EYS: variants seen among roughly 807,000 people sequenced by gnomAD.
The protein encoded by EYS is protein eyes shut homolog.
Under a neutral mutation model 282.1 loss-of-function variants are expected in EYS, and 250 were observed. The observed-to-expected ratio is 0.89, with a 90% CI of 0.80 to 0.98. The LOEUF is 0.98. Ranked by LOEUF, EYS falls within the 50% of genes least tolerant of loss-of-function variation. The pLI, the probability that EYS is intolerant of heterozygous loss-of-function variation, is 0.00. For missense variants in EYS, 4,016 were observed against 3,709.0 expected (o/e 1.08, Z -2.15); for synonymous variants, 1,355 against 1,282.9 (o/e 1.06, Z -1.20).
At chr6:65,404,637 C>T (rs1050429236) in intron 6 of EYS, among the ~76,000 whole-genome samples, 2 of 151,480 alleles carry the variant, frequency 1.3e-5, no homozygotes, top group African/African-American at 4.8e-5. Flanking sequence ...ATATTATGTT[C>T]TATATAATAT....
intron 13 of EYS, among the ~76,000 whole-genome samples, chr6:65,039,630 C>T (rs78430754): frequency 0.13 from 19,903 of 151,204 alleles, 1,448 homozygotes; most frequent in East Asian, 0.24. Context: ...AATTTCTCTT[C>T]GCAATGTTTT....
At chr6:64,572,104 T>A (rs1765744903) in intron 26 of EYS, among the ~76,000 whole-genome samples, 1 of 152,178 alleles carries the variant, frequency 6.6e-6, no homozygotes, top group Non-Finnish European at 1.5e-5. Context: ...ATCCCTGGGA[T>A]GCAAGGCTGG....
intron 36 of EYS, among the ~76,000 whole-genome samples, chr6:63,859,338 T>A (rs1223095122): frequency 6.6e-6 from 1 of 151,990 alleles, no homozygotes; most frequent in Non-Finnish European, 1.5e-5. Context: ...AGAGACCAAG[T>A]GACTTGCCCA....
intron 29 of EYS, among the ~76,000 whole-genome samples, chr6:64,343,082 C>G (rs1771196667): frequency 6.6e-6 from 1 of 152,076 alleles, no homozygotes; most frequent in African/African-American, 2.4e-5. Flanking sequence ...TACAAAGAGA[C>G]TTAGACTCCC....
chr6:64,089,065 T>A, intron 31 of EYS, among the ~76,000 whole-genome samples: 1 of 151,984 alleles, frequency 6.6e-6, no homozygotes, highest in East Asian at 1.9e-4. Flanking sequence ...CTACTGATGT[T>A]TTTGTTGAGT....
intron 30 of EYS, among the ~76,000 whole-genome samples, chr6:64,279,097 C>T (rs1768214999): frequency 6.6e-6 from 1 of 152,156 alleles, no homozygotes; most frequent in African/African-American, 2.4e-5. Context: ...TTCCTGTTAA[C>T]TTACACATAA....
In EYS at chr6:65,118,506, G is replaced by A. The variant is rs181169430; in HGVS notation, c.2024-60779C>T. On this transcript the variant is annotated intron_variant, in intron 12 of 42. Coordinates refer to ENST00000503581, the MANE Select transcript of EYS (RefSeq NM_001142800.2). ...TATACTGGCTGTTTTGACCTCTGGAGGAAGGCTGAGCCCTTTGGCATCACA... is the reference window on the plus strand; with the variant it reads ...TATACTGGCTGTTTTGACCTCTGGAAGAAGGCTGAGCCCTTTGGCATCACA... Among the ~76,000 whole-genome samples, 9 of 152,316 alleles carry A rather than the reference G, an allele frequency of 5.9e-5. 1 individual carries two copies. Among genetic ancestry groups the A allele is most frequent in the Admixed American group, 5.9e-4 (9 of 15,306 alleles).
At chr6:64,899,988 A>T (rs1767602441) in intron 18 of EYS, among the ~76,000 whole-genome samples, 1 of 152,200 alleles carries the variant, frequency 6.6e-6, no homozygotes, top group Admixed American at 6.6e-5. Context: ...CTATACTATA[A>T]GGATACAGTA....
intron 8 of EYS, among the ~76,000 whole-genome samples, chr6:65,363,441 T>A (rs1764791988): frequency 1.3e-5 from 2 of 151,958 alleles, no homozygotes; most frequent in Admixed American, 1.3e-4. Flanking sequence ...TTTGTTACAG[T>A]TATATTTAAT....
intron 28 of EYS, among the ~76,000 whole-genome samples, chr6:64,394,326 C>G (rs1236978213): frequency 2.0e-5 from 3 of 152,038 alleles, no homozygotes; most frequent in Non-Finnish European, 4.4e-5. Context: ...ATCGCCAAGT[C>G]AATCCTAAGC....
intron 12 of EYS, among the ~76,000 whole-genome samples, chr6:65,243,150 T>G (rs1767096191): frequency 6.6e-6 from 1 of 152,212 alleles, no homozygotes; most frequent in Admixed American, 6.5e-5. Context: ...GTGCATTCAT[T>G]TATTCATTCA....
At chr6:64,614,805 A>G (rs1767220192) in intron 24 of EYS, among the ~76,000 whole-genome samples, 1 of 152,114 alleles carries the variant, frequency 6.6e-6, no homozygotes, top group African/African-American at 2.4e-5. Flanking sequence ...TGCTAAAAGT[A>G]AAAAGCAGAA....
At chr6:64,761,297 A>C (rs571010004) in intron 22 of EYS, among the ~76,000 whole-genome samples, 13 of 152,250 alleles carry the variant, frequency 8.5e-5, no homozygotes, top group Admixed American at 2.6e-4. Context: ...CTTAGAATTT[A>C]CTTATAACTT....
At chr6:64,406,217 T>A (rs1773701951) in intron 28 of EYS, among the ~76,000 whole-genome samples, 3 of 152,158 alleles carry the variant, frequency 2.0e-5, no homozygotes, top group Admixed American at 2.0e-4. Context: ...AAGGAAATGA[T>A]TCCCTATTTA....
chr6:65,013,525 T>A (rs1466377993), intron 13 of EYS, among the ~76,000 whole-genome samples: 1 of 152,086 alleles, frequency 6.6e-6, no homozygotes, highest in African/African-American at 2.4e-5. Context: ...AGAATTCCAA[T>A]ATGGTTTCCA....
At chr6:64,838,565 T>C (rs1204305637) in intron 19 of EYS, among the ~76,000 whole-genome samples, 1 of 151,662 alleles carries the variant, frequency 6.6e-6, no homozygotes, top group East Asian at 1.9e-4. Flanking sequence ...GACTAAATGA[T>C]ATGTAACAAT....
intron 22 of EYS, among the ~76,000 whole-genome samples, chr6:64,719,001 A>T (rs1771486320): frequency 6.6e-6 from 1 of 152,204 alleles, no homozygotes. Context: ...GAACCCTTAA[A>T]GGCAGACGAT....
At chr6:65,006,523 A>AAAAAG (rs1771668500) in intron 13 of EYS, among the ~76,000 whole-genome samples, 1 of 134,460 alleles carries the variant, frequency 7.4e-6, no homozygotes. Context: ...AAAAAAAAAA[A>AAAAAG]GCAAAAAGGT....
intron 31 of EYS, among the ~76,000 whole-genome samples, chr6:64,168,260 CAATA>C (rs377467664): frequency 7.3e-5 from 11 of 151,384 alleles, no homozygotes; most frequent in East Asian, 1.9e-4. Flanking sequence ...AACTCCATTT[CAATA>C]AATAAATAAA....
Sources: gnomAD v4.1 joint callset for allele counts (sites outside exome capture counted in the v4.1 genomes callset) on GRCh38, gnomAD v4.1.1 for gene constraint, MANE v1.5 for transcripts, NCBI Gene and HGNC (gene_info 2026-07-23, HGNC 2026-07-21) for gene names.